MTCH2: variants seen among roughly 807,000 people sequenced by gnomAD.
MTCH2 encodes the protein mitochondrial carrier 2, also known as mitochondrial carrier homolog 2.
Under a neutral mutation model 50.6 loss-of-function variants are expected in MTCH2, and 25 were observed. The observed-to-expected ratio is 0.49, with a 90% confidence interval of 0.36 to 0.69. MTCH2 has a LOEUF of 0.69. MTCH2 is among the 30% of genes least tolerant of loss of function. The probability of loss-of-function intolerance (pLI) is 0.00; values close to 1 mark genes in which losing one functional copy is unlikely to be tolerated. For synonymous variants in MTCH2, 106 were observed against 132.0 expected (o/e 0.80, Z 1.35); for missense variants, 273 against 384.4 (o/e 0.71, Z 2.42).
At chr11:47,627,652 G>A (rs1012919369) in intron 9 of MTCH2, among the ~76,000 whole-genome samples, 4 of 147,618 alleles carry the variant, frequency 2.7e-5, no homozygotes, top group Non-Finnish European at 4.5e-5. Flanking sequence ...TTTGAGACAG[G>A]ATCTCATCTC....
At chr11:47,607,902 T>A in the MTCH2 span, among the ~76,000 whole-genome samples, 2 of 152,244 alleles carry the variant, frequency 1.3e-5, no homozygotes, top group Non-Finnish European at 2.9e-5. Flanking sequence ...CTTTCATTAT[T>A]ATAATAAAAC....
At chr11:47,607,446 G>T in the MTCH2 span, among the ~76,000 whole-genome samples, 3 of 152,202 alleles carry the variant, frequency 2.0e-5, no homozygotes, top group Non-Finnish European at 2.9e-5. Flanking sequence ...AGAAGAGTGT[G>T]GGGGCGGAGG....
intron 5 of MTCH2, among the ~76,000 whole-genome samples, chr11:47,633,954 A>G (rs997659264): frequency 1.4e-4 from 22 of 152,196 alleles, no homozygotes; most frequent in Non-Finnish European, 5.9e-5. Context: ...CCAGGCACAG[A>G]AACACCTATG....
At chr11:47,609,073 G>C in the MTCH2 span, among the ~76,000 whole-genome samples, 1 of 130,666 alleles carries the variant, frequency 7.7e-6, no homozygotes, top group Non-Finnish European at 1.6e-5. Context: ...GCGGTGACCT[G>C]AGATCACGCC....
the MTCH2 span, among the ~76,000 whole-genome samples, chr11:47,606,606 T>C: frequency 6.6e-6 from 1 of 152,228 alleles, no homozygotes; most frequent in African/African-American, 2.4e-5. Context: ...CATATTGCCA[T>C]CTTGTCTCTA....
At chr11:47,633,447 T>G (rs1242374539) in intron 5 of MTCH2, among the ~76,000 whole-genome samples, 1 of 143,838 alleles carries the variant, frequency 7.0e-6, no homozygotes, top group Non-Finnish European at 1.5e-5. Flanking sequence ...TCATGAAAAT[T>G]TACAGAAAAT....
At chr11:47,640,623 C>T (rs982790309) in intron 1 of MTCH2, among the ~76,000 whole-genome samples, 1 of 151,694 alleles carries the variant, frequency 6.6e-6, no homozygotes, top group Non-Finnish European at 1.5e-5. Flanking sequence ...GCCATGTTGG[C>T]CAGGCTAGTC....
intron 1 of MTCH2, among the ~76,000 whole-genome samples, chr11:47,642,000 G>A (rs1043623335): frequency 3.3e-5 from 5 of 152,210 alleles, no homozygotes; most frequent in Non-Finnish European, 7.3e-5. Context: ...TGAGATTTTG[G>A]GGGGAGTAGT....
In MTCH2 at chr11:47,618,698, A is replaced by G; in HGVS notation, c.*135T>C. The G allele has an allele frequency of 1.2e-6, 1 of 859,880 alleles. No individual in the cohort carries two copies. Among genetic ancestry groups the G allele is most frequent in the South Asian group, 1.4e-5 (1 of 68,986 alleles). 53.3% of individuals were successfully genotyped at this position (859,880 alleles called of 1,614,324 possible). A position where few individuals can be genotyped will look rare whatever the true frequency, so the allele number is the denominator to read the frequency against. Reference sequence around the variant, plus strand: ...CTGGAAAAAAGAACAAAAAAGGCAGACACCAAACACCTGAATTTTCCCAAG... The same window carrying G: ...CTGGAAAAAAGAACAAAAAAGGCAGGCACCAAACACCTGAATTTTCCCAAG... On this transcript the variant is annotated 3_prime_UTR_variant, in exon 13 of 13. Transcript: ENST00000302503.
intron 1 of MTCH2, among the ~76,000 whole-genome samples, chr11:47,640,307 T>A (rs1473953942): frequency 6.6e-6 from 1 of 152,108 alleles, no homozygotes; most frequent in Non-Finnish European, 1.5e-5. Flanking sequence ...CCAGTCTGGG[T>A]GACAAGAGCA....
chr11:47,606,490 C>G, the MTCH2 span, among the ~76,000 whole-genome samples: 1 of 152,174 alleles, frequency 6.6e-6, no homozygotes, highest in African/African-American at 2.4e-5. Context: ...TCAGAGAGCT[C>G]TCTACAGAGC....
chr11:47,615,876 G>A (rs1031954202), downstream of MTCH2, among the ~76,000 whole-genome samples: 1 of 151,596 alleles, frequency 6.6e-6, no homozygotes, highest in Admixed American at 6.6e-5. Context: ...CACCCGCCTC[G>A]GCCTCCCAAA....
intron 12 of MTCH2, among the ~76,000 whole-genome samples, chr11:47,620,706 C>A (rs1261559545): frequency 6.6e-6 from 1 of 152,170 alleles, no homozygotes; most frequent in Non-Finnish European, 1.5e-5. Flanking sequence ...CTGAGTGCAA[C>A]TGAGTACACT....
chr11:47,642,542 A>G lies in MTCH2; in HGVS notation c.-77T>C. ...GTGAGCCGGTCCTAGGTCACGTGCC[A>G]GGGCCGCCGGTTTCACTGGCCCGCC... On this transcript the variant is annotated 5_prime_UTR_variant, in exon 1 of 13. Transcript: ENST00000302503. 2.2e-6 allele frequency: 3 copies of G among 1,360,576 alleles called. No homozygotes were observed. Among genetic ancestry groups the G allele is most frequent in the Non-Finnish European group, 3.0e-6 (3 of 1,013,974 alleles). 84.3% of individuals were successfully genotyped at this position (1,360,576 alleles called of 1,614,324 possible). A position where few individuals can be genotyped will look rare whatever the true frequency, so the allele number is the denominator to read the frequency against.
chr11:47,642,330 G>A (rs1242518502), intron 1 of MTCH2, 49 bp downstream of exon 1: 2 of 1,442,054 alleles, frequency 1.4e-6, no homozygotes, highest in Non-Finnish European at 1.8e-6. Flanking sequence ...CTGAGCAGCA[G>A]CGACCGAACG....
At position 47,628,964 on chromosome 11, in the gene MTCH2, G is replaced by C. The variant is rs758006823; in HGVS notation, c.622C>G (p.Leu208Val). The change falls in exon 9 of 13, where the codon CTG (leucine) becomes GTG (valine). Residue 208 changes from leucine (L) to valine (V), a missense_variant. Leu to Val is a conservative substitution (Grantham distance 32). Coordinates refer to ENST00000302503, the MANE Select transcript of MTCH2 (RefSeq NM_014342.4). Reference sequence around the variant, plus strand: ...AGGTCACAACCTACCCCACTGTCCAGTGCATAGGTATTGACGAGGTAGGCC... The same window carrying C: ...AGGTCACAACCTACCCCACTGTCCACTGCATAGGTATTGACGAGGTAGGCC... Reference protein sequence around the residue: ...SLAYLVNTYALDSGVSTMNEM... With the variant: ...SLAYLVNTYAVDSGVSTMNEM... The C allele has an allele frequency of 7.4e-6, 12 of 1,613,412 alleles. No individual in the cohort carries two copies. Among genetic ancestry groups the C allele is most frequent in the Non-Finnish European group, 5.9e-6 (7 of 1,179,616 alleles).
At position 47,628,971 on chromosome 11, in the gene MTCH2, G is replaced by C. The variant is rs2097300558; in HGVS notation, c.615C>G (p.Thr205=). The part of the protein sequence containing the change: ...LCNSLAYLVN[T]YALDSGVSTM... Reference sequence around the variant, plus strand: ...AACCTACCCCACTGTCCAGTGCATAGGTATTGACGAGGTAGGCCAGTGAGT... The same window carrying C: ...AACCTACCCCACTGTCCAGTGCATACGTATTGACGAGGTAGGCCAGTGAGT... Residue 205 remains threonine (T), a synonymous_variant, in exon 9 of 13, where the codon ACC becomes ACG. Coordinates refer to ENST00000302503, the MANE Select transcript of MTCH2 (RefSeq NM_014342.4). 3.1e-6 allele frequency: 5 copies of C among 1,613,852 alleles called. No homozygotes were observed. The highest frequency in any genetic ancestry group is 1.1e-5 in the South Asian group (1 of 91,050).
At chr11:47,631,569 T>C in intron 6 of MTCH2, 85 bp downstream of exon 6, 1 of 1,356,082 alleles carries the variant, frequency 7.4e-7, no homozygotes. Context: ...GCAAGGCATT[T>C]TAGTCAACTC....
At chr11:47,634,646 A>G (rs2097306792) in intron 5 of MTCH2, 26 bp downstream of exon 5, 2 of 1,575,598 alleles carry the variant, frequency 1.3e-6, no homozygotes, top group Non-Finnish European at 1.7e-6. Context: ...CTGGGCAAAC[A>G]GCACAGGATG....
Sources: allele counts gnomAD v4.1 joint callset (sites outside exome capture counted in the v4.1 genomes callset), GRCh38; gene constraint gnomAD v4.1.1; transcripts MANE v1.5; gene names NCBI Gene and HGNC (gene_info 2026-07-23, HGNC 2026-07-21).